Variants in ZNF507 observed in about 807,000 individuals in gnomAD.
The protein encoded by ZNF507 is zinc finger protein 507.
Under a neutral mutation model 80.0 loss-of-function variants are expected in ZNF507, and 29 were observed. The ratio of observed to expected loss-of-function variants is 0.36; its 90% CI spans 0.27 to 0.49. The LOEUF (loss-of-function observed/expected upper bound fraction) is 0.49, where lower values mean the gene tolerates loss of function less well. Among genes scored for constraint, ZNF507 ranks in the 20% least tolerant of loss-of-function variants. The pLI, the probability that ZNF507 is intolerant of heterozygous loss-of-function variation, is 0.98. For missense variants in ZNF507, 1,081 were observed against 1,152.2 expected, an observed-to-expected ratio of 0.94 and a Z score of 0.90; for synonymous variants, 462 against 422.5, an observed-to-expected ratio of 1.09 and a Z score of -1.15.
chr19:32,379,526 C>T (rs1212613717), intron 5 of ZNF507, among the ~76,000 whole-genome samples: 1 of 152,132 alleles, frequency 6.6e-6, no homozygotes, highest in Non-Finnish European at 1.5e-5. Flanking sequence ...ACTTCTTCAC[C>T]CCTTCCTCCT....
At position 32,354,018 on chromosome 19, in the gene ZNF507, C is replaced by T. The variant is rs199526138; in HGVS notation, c.1188C>T (p.Asn396=). ...GCCCCAATAAAAAAGGGCATGTTAA[C>T]GTGATAGTGGAGCGATTGCCAAGTG... The part of the protein sequence containing the change: ...SSSPNKKGHV[N]VIVERLPSAE... The change falls in exon 3 of 7, where the codon AAC becomes AAT. Residue 396 remains asparagine, a synonymous_variant. Coordinates refer to ENST00000355898, the MANE Select transcript of ZNF507 (RefSeq NM_001136156.2). The T allele has an allele frequency of 2.3e-5, 37 of 1,613,980 alleles. No homozygotes were observed. The highest frequency in any genetic ancestry group is 4.4e-5 in the South Asian group (4 of 91,078).
chr19:32,357,015 G>T (rs1816437711), intron 4 of ZNF507: 2 of 278,210 alleles, frequency 7.2e-6, no homozygotes, highest in African/African-American at 4.4e-5. Flanking sequence ...AGCCAGAAAA[G>T]CAAGCCAGAA....
At chr19:32,374,631 G>A (rs757792565) in intron 5 of ZNF507, among the ~76,000 whole-genome samples, 1 of 151,872 alleles carries the variant, frequency 6.6e-6, no homozygotes, top group South Asian at 2.1e-4. Flanking sequence ...ACAGGCACCC[G>A]CCACCACACA....
chr19:32,368,783 G>C (rs957160390), intron 5 of ZNF507, among the ~76,000 whole-genome samples: 2 of 152,184 alleles, frequency 1.3e-5, no homozygotes, highest in African/African-American at 4.8e-5. Flanking sequence ...GGGGGCCTTA[G>C]TTATTTCTTT....
chr19:32,366,471 ATTCTAC>A lies in ZNF507; in HGVS notation c.2360+5856_2360+5861del, dbSNP rs557801185. 1.6e-3 allele frequency among the ~76,000 whole-genome samples: 249 copies of A among 152,248 alleles called. No individual in the cohort carries two copies. In the Middle Eastern group the frequency reaches 0.034, roughly 21 times the overall value. Reference sequence around the variant, plus strand: ...ATAAAAATGGAATCATACAGTACATATTCTACTTTATGTTCAGATTTTTTTGCTCAA... The same window carrying A: ...ATAAAAATGGAATCATACAGTACATATTTATGTTCAGATTTTTTTGCTCAA... On this transcript the variant is annotated intron_variant, in intron 5 of 6. Transcript: ENST00000355898.
At chr19:32,372,360 G>C (rs931703046) in intron 5 of ZNF507, among the ~76,000 whole-genome samples, 1 of 152,120 alleles carries the variant, frequency 6.6e-6, no homozygotes, top group African/African-American at 2.4e-5. Context: ...TAAATAAAGA[G>C]AGAGCGTTTG....
intron 1 of ZNF507, 74 bp downstream of exon 1, chr19:32,345,857 C>T: frequency 6.6e-6 from 1 of 152,558 alleles, no homozygotes; most frequent in Non-Finnish European, 1.5e-5. Context: ...CCCCTCAGGC[C>T]TCTGCCGGCG....
intron 1 of ZNF507, among the ~76,000 whole-genome samples, 197 bp downstream of exon 1, chr19:32,345,980 C>T (rs954610073): frequency 1.3e-5 from 2 of 152,366 alleles, no homozygotes; most frequent in African/African-American, 2.4e-5. Flanking sequence ...CTGGGCTTGC[C>T]CTGCAGCTGG....
In ZNF507 at chr19:32,364,714, G is replaced by A. The variant is rs564919076; in HGVS notation, c.2360+4096G>A. 4.6e-4 allele frequency among the ~76,000 whole-genome samples: 70 copies of A among 151,736 alleles called. 1 individual carries two copies. The highest frequency in any genetic ancestry group is 1.5e-3 in the African/African-American group (64 of 41,338). ...TATTCAATCATATATATATATCTCC[G>A]AGTTCTTTATCCACTCGTTGATTGA... On this transcript the variant is annotated intron_variant, in intron 5 of 6. Coordinates refer to ENST00000355898, the MANE Select transcript of ZNF507 (RefSeq NM_001136156.2).
intron 5 of ZNF507, among the ~76,000 whole-genome samples, chr19:32,367,828 A>G (rs1364233820): frequency 6.6e-6 from 1 of 152,218 alleles, no homozygotes; most frequent in Non-Finnish European, 1.5e-5. Flanking sequence ...CAGTGTAGTC[A>G]GTTATTGTAT....
intron 5 of ZNF507, among the ~76,000 whole-genome samples, chr19:32,362,137 C>T (rs182133316): frequency 8.5e-5 from 13 of 152,300 alleles, no homozygotes; most frequent in African/African-American, 2.2e-4. Context: ...GTCCGCCCAC[C>T]TTGGCCTCCC....
Position 32,353,511 on chromosome 19 carries a change from A to G in ZNF507, c.681A>G (p.Gln227=). The change falls in exon 3 of 7, where the codon CAA becomes CAG. Residue 227 remains glutamine, a synonymous_variant. Transcript: ENST00000355898. ...SVDNLQTHTV[Q]TASVAEMGRR... ...ACAATCTACAGACTCATACTGTCCA[A>G]ACTGCATCTGTGGCAGAAATGGGTA... 6.2e-7 allele frequency: 1 copy of G among 1,614,240 alleles called. No individual in the cohort carries two copies. Among genetic ancestry groups the G allele is most frequent in the Non-Finnish European group, 8.5e-7 (1 of 1,180,044 alleles).
At chr19:32,361,404 G>A (rs1280562854) in intron 5 of ZNF507, among the ~76,000 whole-genome samples, 1 of 152,186 alleles carries the variant, frequency 6.6e-6, no homozygotes, top group African/African-American at 2.4e-5. Context: ...GTGAGTGTGG[G>A]AAAGTTATTG....
At position 32,354,948 on chromosome 19, in the gene ZNF507, C is replaced by T; in HGVS notation, c.2118C>T (p.Phe706=). The T allele has an allele frequency of 6.2e-7, 1 of 1,603,776 alleles. No individual in the cohort carries two copies. The highest frequency in any genetic ancestry group is 8.5e-7 in the Non-Finnish European group (1 of 1,174,614). ...AGTGCAAGCAGTGTGAAGAATCCTTCCATTATAAGGTAAGCATTGGTTCAG... is the reference window on the plus strand; with the variant it reads ...AGTGCAAGCAGTGTGAAGAATCCTTTCATTATAAGGTAAGCATTGGTTCAG... ...IYQCKQCEES[F]HYKSQLRNHE... The change falls in exon 3 of 7, where the codon TTC becomes TTT. Residue 706 remains phenylalanine, a synonymous_variant. Transcript: ENST00000355898.
At chr19:32,355,218 T>C (rs1967236288) in intron 3 of ZNF507, among the ~76,000 whole-genome samples, 2 of 152,208 alleles carry the variant, frequency 1.3e-5, no homozygotes, top group Non-Finnish European at 1.5e-5. Flanking sequence ...AAAGTGTTGA[T>C]TTTCTGTTGC....
At chr19:32,378,914 G>A (rs954350204) in intron 5 of ZNF507, among the ~76,000 whole-genome samples, 15 of 152,178 alleles carry the variant, frequency 9.9e-5, no homozygotes, top group East Asian at 5.8e-4. Context: ...CCAGCATTTC[G>A]TGTCTGTTTC....
intron 4 of ZNF507, chr19:32,358,599 C>T (rs538513684): frequency 1.3e-5 from 2 of 152,252 alleles, no homozygotes; most frequent in South Asian, 4.2e-4. Context: ...CAAATAGAGC[C>T]GCAAGCAAAG....
At chr19:32,379,240 T>C (rs1967593301) in intron 5 of ZNF507, among the ~76,000 whole-genome samples, 1 of 152,126 alleles carries the variant, frequency 6.6e-6, no homozygotes. Flanking sequence ...ATATTATAGA[T>C]TTATTGAGGT....
At chr19:32,356,795 G>C (rs781157863) in intron 4 of ZNF507, 62 bp downstream of exon 4, 4 of 1,262,668 alleles carry the variant, frequency 3.2e-6, no homozygotes, top group Non-Finnish European at 4.6e-6. Flanking sequence ...AGTGCCCTTA[G>C]TTGTCATGGT....
Sources: gnomAD v4.1 joint callset for allele counts (sites outside exome capture counted in the v4.1 genomes callset) on GRCh38, gnomAD v4.1.1 for gene constraint, MANE v1.5 for transcripts, NCBI Gene and HGNC (gene_info 2026-07-23, HGNC 2026-07-21) for gene names.